The following STK33 variants were observed in gnomAD, a reference collection of about 807,000 sequenced individuals.
STK33 encodes the protein serine/threonine-protein kinase 33.
A neutral mutation model predicts 58.0 loss-of-function variants in STK33; 52 were observed. That is an observed-to-expected ratio of 0.90 (90% CI 0.72 to 1.13). The LOEUF (loss-of-function observed/expected upper bound fraction) is 1.13. Among genes scored for constraint, STK33 ranks in the 50% most tolerant of loss-of-function variants. The probability of loss-of-function intolerance (pLI) is 0.00; values close to 1 mark genes in which losing one functional copy is unlikely to be tolerated. For synonymous variants in STK33, 215 were observed against 200.1 expected (o/e 1.07, Z -0.63); for missense variants, 630 against 604.2 (o/e 1.04, Z -0.45).
chr11:8,548,050 A>G (rs961706206), intron 1 of STK33, among the ~76,000 whole-genome samples: 2 of 151,808 alleles, frequency 1.3e-5, no homozygotes, highest in African/African-American at 2.4e-5. Context: ...ATTAGGAGAT[A>G]TACCTAATGT....
chr11:8,374,330 T>C, the STK33 span, among the ~76,000 whole-genome samples: 3 of 152,114 alleles, frequency 2.0e-5, no homozygotes, highest in Non-Finnish European at 4.4e-5. Flanking sequence ...TTGGTAGAGG[T>C]AGGAGGTTAT....
chr11:8,447,610 TA>T (rs1409904448), intron 11 of STK33, among the ~76,000 whole-genome samples: 14 of 152,174 alleles, frequency 9.2e-5, no homozygotes, highest in African/African-American at 3.4e-4. Context: ...AAACTCTCAA[TA>T]AATTAGGTAT....
At chr11:8,349,089 G>A in the STK33 span, among the ~76,000 whole-genome samples, 1 of 152,104 alleles carries the variant, frequency 6.6e-6, no homozygotes, top group Non-Finnish European at 1.5e-5. Context: ...CCCACCGCCA[G>A]CTCCCTCTGT....
chr11:8,560,326 A>ATT (rs1462733976), intron 1 of STK33, among the ~76,000 whole-genome samples: 3 of 152,236 alleles, frequency 2.0e-5, no homozygotes, highest in African/African-American at 7.2e-5. Context: ...TCTTATTTTA[A>ATT]TTTCTACCTC....
chr11:8,473,001 G>C (rs1029281253), intron 6 of STK33, among the ~76,000 whole-genome samples, 162 bp downstream of exon 6: 2 of 152,124 alleles, frequency 1.3e-5, no homozygotes, highest in Non-Finnish European at 2.9e-5. Context: ...TAATTAATCT[G>C]TATTTTCTTT....
intron 1 of STK33, among the ~76,000 whole-genome samples, chr11:8,523,354 T>C (rs1953679734): frequency 6.7e-6 from 1 of 149,272 alleles, no homozygotes; most frequent in Non-Finnish European, 1.5e-5. Flanking sequence ...GAGGAGCGTC[T>C]CTGCCCGGCC....
intron 1 of STK33, among the ~76,000 whole-genome samples, chr11:8,506,668 T>A (rs554946994): frequency 1.3e-4 from 20 of 152,216 alleles, no homozygotes; most frequent in Non-Finnish European, 7.4e-5. Flanking sequence ...TTCTGCAATG[T>A]CTCTTTTGCC....
chr11:8,485,516 G>C (rs1465496369), intron 1 of STK33, among the ~76,000 whole-genome samples: 1 of 152,104 alleles, frequency 6.6e-6, no homozygotes, highest in African/African-American at 2.4e-5. Context: ...ATGTTCTATT[G>C]GTTGCTTTAT....
the STK33 span, among the ~76,000 whole-genome samples, chr11:8,358,493 A>C: frequency 6.6e-6 from 1 of 152,130 alleles, no homozygotes; most frequent in Non-Finnish European, 1.5e-5. Context: ...TCAGGCTGGG[A>C]AATGAGCGCT....
intron 1 of STK33, among the ~76,000 whole-genome samples, chr11:8,575,927 C>T (rs1233366512): frequency 6.6e-6 from 1 of 151,974 alleles, no homozygotes; most frequent in Non-Finnish European, 1.5e-5. Context: ...TCATGGAGTA[C>T]CTTACAAGTC....
chr11:8,583,651 T>G (rs1045560134), intron 1 of STK33, among the ~76,000 whole-genome samples: 16 of 152,304 alleles, frequency 1.1e-4, no homozygotes, highest in African/African-American at 3.9e-4. Flanking sequence ...ATAATGTGGG[T>G]GTAATATGAC....
chr11:8,353,171 G>T, the STK33 span, among the ~76,000 whole-genome samples: 1 of 152,216 alleles, frequency 6.6e-6, no homozygotes. Context: ...GGAACCAGAA[G>T]GGATGAGAGG....
chr11:8,404,110 A>G (rs1938642220), intron 15 of STK33, among the ~76,000 whole-genome samples: 1 of 152,212 alleles, frequency 6.6e-6, no homozygotes, highest in Admixed American at 6.5e-5. Context: ...TCACATCCCT[A>G]TGGTTTTCAG....
At chr11:8,368,986 T>C in the STK33 span, among the ~76,000 whole-genome samples, 6 of 152,034 alleles carry the variant, frequency 3.9e-5, no homozygotes, top group Non-Finnish European at 7.4e-5. Context: ...TCTGCGTCCA[T>C]CTGTATGGAA....
chr11:8,464,854 T>C, intron 6 of STK33, 32 bp from the exon 7 acceptor site: 1 of 1,382,490 alleles, frequency 7.2e-7, no homozygotes, highest in Non-Finnish European at 1.0e-6. Flanking sequence ...GTTGTCTCTC[T>C]ATGCCATTCA....
Position 8,423,032 on chromosome 11 carries a change from G to A in STK33, c.1147-9340C>T, listed in dbSNP as rs1323307260. Among the ~76,000 whole-genome samples, 2 of 149,660 alleles carry A rather than the reference G, an allele frequency of 1.3e-5. 1 individual carries two copies. The highest frequency in any genetic ancestry group is 3.0e-5 in the Non-Finnish European group (2 of 66,750). ...ATTTTTTAAATTTTTTGTAGGGACA[G>A]GGTCTCACTATGTTGTCCAGGCTTG... On this transcript the variant is annotated intron_variant, in intron 14 of 15. Transcript: ENST00000687296.
At chr11:8,425,365 A>G (rs1286138353) in intron 14 of STK33, among the ~76,000 whole-genome samples, 1 of 152,182 alleles carries the variant, frequency 6.6e-6, no homozygotes, top group Non-Finnish European at 1.5e-5. Flanking sequence ...TGCTACCAGT[A>G]CCATGCTGTT....
chr11:8,539,036 G>T (rs1041172645), intron 1 of STK33, among the ~76,000 whole-genome samples: 1 of 152,046 alleles, frequency 6.6e-6, no homozygotes, highest in South Asian at 2.1e-4. Context: ...TTTAAGATTT[G>T]TCCAGAATCT....
At chr11:8,581,257 C>T (rs186729393) in intron 1 of STK33, among the ~76,000 whole-genome samples, 1 of 152,290 alleles carries the variant, frequency 6.6e-6, no homozygotes, top group Non-Finnish European at 1.5e-5. Context: ...TTCCTATTCA[C>T]ATCTCATAAT....
Sources: gnomAD v4.1 joint callset for allele counts (sites outside exome capture counted in the v4.1 genomes callset) on GRCh38, gnomAD v4.1.1 for gene constraint, MANE v1.5 for transcripts, NCBI Gene and HGNC (gene_info 2026-07-23, HGNC 2026-07-21) for gene names.